Variants in ERBB4 observed in about 807,000 individuals in gnomAD.
The protein encoded by ERBB4 is erb-b2 receptor tyrosine kinase 4, also known as receptor tyrosine-protein kinase erbB-4.
A neutral mutation model predicts 158.0 loss-of-function variants in ERBB4; 42 were observed. That is an observed-to-expected ratio of 0.27 (90% CI 0.21 to 0.34). ERBB4 has a LOEUF of 0.34. ERBB4 is among the 10% of genes least tolerant of loss of function. The pLI, the probability that ERBB4 is intolerant of heterozygous loss-of-function variation, is 1.00. For synonymous variants in ERBB4, 583 were observed against 558.7 expected (o/e 1.04, Z -0.61); for missense variants, 1,333 against 1,624.1 (o/e 0.82, Z 3.08).
At chr2:211,662,236 C>T (rs914063291) in intron 15 of ERBB4, among the ~76,000 whole-genome samples, 7 of 151,654 alleles carry the variant, frequency 4.6e-5, no homozygotes, top group Non-Finnish European at 8.8e-5. Flanking sequence ...CAAAGTTAAA[C>T]GGACATTAAA....
chr2:212,371,546 T>C lies in ERBB4; in HGVS notation c.82+166903A>G, dbSNP rs547715391. ...CTTTTAAAATCCAATGCAAGTTCTA[T>C]TGTATTTAGGAAGACTTTCCTATGT... is the stretch of plus-strand genomic sequence containing the variant. On this transcript the variant is annotated intron_variant, in intron 1 of 27. Transcript: ENST00000342788. 2.0e-5 allele frequency among the ~76,000 whole-genome samples: 3 copies of C among 152,352 alleles called. No homozygotes were observed. The South Asian group carries it at 6.2e-4, about 32-fold the overall frequency.
At chr2:211,386,252 A>G (rs925039996) in intron 27 of ERBB4, among the ~76,000 whole-genome samples, 12 of 152,136 alleles carry the variant, frequency 7.9e-5, no homozygotes, top group African/African-American at 2.9e-4. Flanking sequence ...AATTATTGTT[A>G]TGCTTTGTAA....
At chr2:211,739,509 G>C (rs2074718465) in intron 5 of ERBB4, among the ~76,000 whole-genome samples, 1 of 152,088 alleles carries the variant, frequency 6.6e-6, no homozygotes, top group African/African-American at 2.4e-5. Context: ...CTGTCACCAG[G>C]CTGGAGTGCA....
intron 9 of ERBB4, among the ~76,000 whole-genome samples, chr2:211,709,261 A>AT (rs1406143834): frequency 7.0e-6 from 1 of 143,358 alleles, no homozygotes; most frequent in Non-Finnish European, 1.5e-5. Flanking sequence ...ACACATATAT[A>AT]TATATATATA....
intron 5 of ERBB4, among the ~76,000 whole-genome samples, chr2:211,738,365 T>TGC (rs71054138): frequency 4.2e-5 from 1 of 23,954 alleles, no homozygotes; most frequent in Non-Finnish European, 2.1e-4. Flanking sequence ...GTTTTTGTTT[T>TGC]TTTTTTTTTT....
At chr2:212,192,023 T>A (rs796549074) in intron 1 of ERBB4, among the ~76,000 whole-genome samples, 2 of 14,418 alleles carry the variant, frequency 1.4e-4, no homozygotes, top group African/African-American at 2.1e-4. Context: ...TGTTATATGT[T>A]ATATATGTTA....
chr2:211,944,200 C>CTA (rs1408226562), intron 3 of ERBB4, among the ~76,000 whole-genome samples: 2 of 19,106 alleles, frequency 1.0e-4, no homozygotes, highest in Non-Finnish European at 2.3e-4. Context: ...TATATATATA[C>CTA]TATATATATA....
chr2:211,636,106 T>C (rs1559369594), intron 16 of ERBB4, among the ~76,000 whole-genome samples: 1 of 151,792 alleles, frequency 6.6e-6, no homozygotes, highest in African/African-American at 2.4e-5. Flanking sequence ...AATGCGTGTG[T>C]GTGTTTTTTT....
At chr2:211,808,674 G>T (rs921927576) in intron 3 of ERBB4, among the ~76,000 whole-genome samples, 2 of 152,124 alleles carry the variant, frequency 1.3e-5, no homozygotes, top group African/African-American at 4.8e-5. Context: ...GAAAGTCATT[G>T]GTAGCTTCAT....
At chr2:212,247,856 A>G (rs1273219498) in intron 1 of ERBB4, among the ~76,000 whole-genome samples, 1 of 152,006 alleles carries the variant, frequency 6.6e-6, no homozygotes, top group Non-Finnish European at 1.5e-5. Context: ...CCCAGCTACT[A>G]AGGAGGCTGA....
rs951240468 is a variant in ERBB4 at position 212,283,621 on chromosome 2, T to G, written c.83-158718A>C. ...TGGAAAATGATTCATGCAATGCTAGTTTAAATGCTGAATTTGAGGTTAAAA... is the reference window on the plus strand; with the variant it reads ...TGGAAAATGATTCATGCAATGCTAGGTTAAATGCTGAATTTGAGGTTAAAA... On this transcript the variant is annotated intron_variant, in intron 1 of 27. Transcript: ENST00000342788. 2.0e-5 allele frequency among the ~76,000 whole-genome samples: 3 copies of G among 151,982 alleles called. No homozygotes were observed. In the East Asian group the frequency reaches 5.8e-4, roughly 29 times the overall value.
chr2:212,040,270 G>A (rs1030444225), intron 2 of ERBB4, among the ~76,000 whole-genome samples: 1 of 151,564 alleles, frequency 6.6e-6, no homozygotes, highest in African/African-American at 2.4e-5. Flanking sequence ...TTTTTCTGAT[G>A]GAAAGTAACA....
At chr2:212,316,622 A>C (rs532752016) in intron 1 of ERBB4, among the ~76,000 whole-genome samples, 8 of 151,630 alleles carry the variant, frequency 5.3e-5, no homozygotes, top group African/African-American at 1.9e-4. Flanking sequence ...TGGCATTCTG[A>C]TAAAAGTGGT....
At chr2:211,641,198 C>A (rs1408907928) in intron 16 of ERBB4, among the ~76,000 whole-genome samples, 1 of 151,906 alleles carries the variant, frequency 6.6e-6, no homozygotes, top group Non-Finnish European at 1.5e-5. Flanking sequence ...TTTATTTATT[C>A]TCTAGGAACA....
At chr2:211,418,321 C>T (rs1380225515) in intron 25 of ERBB4, among the ~76,000 whole-genome samples, 6 of 152,064 alleles carry the variant, frequency 3.9e-5, no homozygotes, top group African/African-American at 4.8e-5. Context: ...GTAAAAGTTA[C>T]GTAAAGCCAG....
intron 12 of ERBB4, among the ~76,000 whole-genome samples, chr2:211,693,770 A>G (rs546848069): frequency 1.4e-4 from 21 of 152,286 alleles, no homozygotes; most frequent in South Asian, 1.2e-3. Flanking sequence ...ACAGAAATTT[A>G]TTCTCTCACA....
chr2:211,514,816 C>T (rs955736199), intron 20 of ERBB4, among the ~76,000 whole-genome samples: 6 of 151,994 alleles, frequency 3.9e-5, no homozygotes, highest in Admixed American at 2.6e-4. Context: ...TCTGGAAATC[C>T]GAAATCTGAA....
At chr2:211,959,078 A>T (rs1278145614) in intron 2 of ERBB4, among the ~76,000 whole-genome samples, 3 of 152,194 alleles carry the variant, frequency 2.0e-5, no homozygotes, top group Non-Finnish European at 4.4e-5. Flanking sequence ...TCCTCAAAAA[A>T]GTCTTTAAGT....
chr2:211,387,164 A>T lies in ERBB4; in HGVS notation c.3184-14T>A, dbSNP rs756153661. ...TACAAACTGGTTCTGTTAATAAGAG[A>T]AACATATGTGGAGAGAAGGCGTTGT... On this transcript the variant is annotated splice_polypyrimidine_tract_variant and intron_variant, in intron 26 of 27. Coordinates refer to ENST00000342788, the MANE Select transcript of ERBB4 (RefSeq NM_005235.3). 3.8e-6 allele frequency: 6 copies of T among 1,596,602 alleles called. No individual in the cohort carries two copies. In the East Asian group the frequency reaches 1.1e-4, roughly 30 times the overall value.
Sources: gnomAD v4.1 joint callset for allele counts (sites outside exome capture counted in the v4.1 genomes callset) on GRCh38, gnomAD v4.1.1 for gene constraint, MANE v1.5 for transcripts, NCBI Gene and HGNC (gene_info 2026-07-23, HGNC 2026-07-21) for gene names.